TEX11: variants seen among roughly 807,000 people sequenced by gnomAD.
TEX11 encodes testis-expressed protein 11.
Under a neutral mutation model 84.4 loss-of-function variants are expected in TEX11, and 7 were observed. The ratio of observed to expected loss-of-function variants is 0.08; its 90% confidence interval spans 0.05 to 0.16. The LOEUF (loss-of-function observed/expected upper bound fraction) is 0.16, where lower values mean the gene tolerates loss of function less well. TEX11 is among the 10% of genes least tolerant of loss of function. The pLI is 1.00. For missense variants in TEX11, 551 were observed against 660.5 expected (o/e 0.83, Z 1.82); for synonymous variants, 264 against 222.8 (o/e 1.18, Z -1.64).
At chrX:70,852,815 T>C (rs1465590711) in intron 7 of TEX11, among the ~76,000 whole-genome samples, 1 of 111,386 alleles carries the variant, frequency 9.0e-6, no homozygotes, top group East Asian at 2.8e-4. Flanking sequence ...GAAAATGATG[T>C]TTAGCTGTAT....
chrX:70,645,949 C>T (rs1280071699), intron 17 of TEX11, among the ~76,000 whole-genome samples: 1 of 110,852 alleles, frequency 9.0e-6, no homozygotes, highest in Non-Finnish European at 1.9e-5. Context: ...AGCAAAAAGA[C>T]CCTGACTAGC....
rs181296669 is a variant in TEX11 at position 70,589,576 on chromosome X, T to G, written c.2140+2175A>C. ...TCTTGCTGTGCTGCCCAGGCTGGAGTGCAGTGGACAATCTAGGCTTACTGC... is the reference window on the plus strand; with the variant it reads ...TCTTGCTGTGCTGCCCAGGCTGGAGGGCAGTGGACAATCTAGGCTTACTGC... On this transcript the variant is annotated intron_variant, in intron 25 of 29. Transcript: ENST00000374333. Among the ~76,000 whole-genome samples, 22 of 111,572 alleles carry G rather than the reference T, an allele frequency of 2.0e-4. No homozygotes were observed. The East Asian group carries it at 5.6e-3, about 28-fold the overall frequency.
intron 9 of TEX11, among the ~76,000 whole-genome samples, chrX:70,788,965 TATATATATAG>T (rs1376811561): frequency 6.0e-4 from 24 of 39,989 alleles, no homozygotes; most frequent in African/African-American, 1.4e-3. Flanking sequence ...TATATATATA[TATATATATAG>T]AGAGAGAGAG....
rs1404887373 is a variant in TEX11 at position 70,552,135 on chromosome X, A to T, written c.2511T>A (p.Ile837=). Residue 837 remains isoleucine (I), a synonymous_variant, in exon 28 of 30, where the codon ATT becomes ATA. Coordinates refer to ENST00000374333, the MANE Select transcript of TEX11 (RefSeq NM_031276.3). The part of the protein sequence containing the change: ...WGYFEDALSH[I]SRTKDYPEME... ...TCACTATTTGACTTACAGTGCGGCT[A>T]ATGTGGCTCAGAGCATCTTCAAAAT... 1 of 1,209,550 alleles carries T rather than the reference A, an allele frequency of 8.3e-7. No homozygotes were observed. Among genetic ancestry groups the T allele is most frequent in the Non-Finnish European group, 1.1e-6 (1 of 894,815 alleles).
chrX:70,806,961 T>C (rs1602143593), intron 8 of TEX11, among the ~76,000 whole-genome samples, 171 bp from the exon 9 acceptor site: 2 of 112,442 alleles, frequency 1.8e-5, no homozygotes, highest in East Asian at 5.6e-4. Flanking sequence ...ATGTGTCCTA[T>C]ACATCAAAAT....
intron 7 of TEX11, among the ~76,000 whole-genome samples, chrX:70,834,147 C>A (rs1479267829): frequency 4.6e-5 from 5 of 109,315 alleles, no homozygotes; most frequent in Non-Finnish European, 9.5e-5. Context: ...TAAGAAGATA[C>A]CTCTCTACTC....
chrX:70,729,635 G>C (rs1408262759), intron 11 of TEX11, among the ~76,000 whole-genome samples: 1 of 111,697 alleles, frequency 9.0e-6, no homozygotes, highest in African/African-American at 3.3e-5. Flanking sequence ...AATGAAAAAA[G>C]CCTCCAAGAA....
intron 8 of TEX11, among the ~76,000 whole-genome samples, chrX:70,832,442 T>C (rs771374758): frequency 1.1e-4 from 12 of 112,364 alleles, no homozygotes; most frequent in African/African-American, 3.9e-4. Flanking sequence ...TTTCTATAAA[T>C]ATGAAATTGT....
At chrX:70,599,052 A>C (rs901497338) in intron 24 of TEX11, among the ~76,000 whole-genome samples, 3 of 112,007 alleles carry the variant, frequency 2.7e-5, no homozygotes, top group African/African-American at 9.7e-5. Context: ...AAGGTATGTG[A>C]ATTATGCCTC....
chrX:70,694,423 C>T (rs2090263141), intron 13 of TEX11, among the ~76,000 whole-genome samples: 1 of 111,425 alleles, frequency 9.0e-6, no homozygotes, highest in Admixed American at 9.6e-5. Context: ...TTTTAACAGG[C>T]ATTTCACAAA....
intron 5 of TEX11, among the ~76,000 whole-genome samples, chrX:70,859,524 G>A (rs747760882): frequency 3.0e-4 from 29 of 97,920 alleles, no homozygotes; most frequent in African/African-American, 1.1e-3. Flanking sequence ...GGAGGCTGCA[G>A]TGAGCCGAGA....
intron 9 of TEX11, among the ~76,000 whole-genome samples, chrX:70,753,211 G>A (rs1468041771): frequency 1.0e-5 from 1 of 96,465 alleles, no homozygotes; most frequent in African/African-American, 3.8e-5. Flanking sequence ...GGGGGTGGGC[G>A]GCGAGGGGGG....
At chrX:70,833,283 AG>A (rs1423474087) in intron 8 of TEX11, among the ~76,000 whole-genome samples, 1 of 66,977 alleles carries the variant, frequency 1.5e-5, no homozygotes, top group African/African-American at 6.2e-5. Context: ...AAAAAAAAAA[AG>A]AAAAGAAAAG....
chrX:70,873,430 T>G, intron 3 of TEX11, 123 bp from the exon 4 acceptor site: 2 of 489,014 alleles, frequency 4.1e-6, no homozygotes, highest in Non-Finnish European at 7.0e-6. Flanking sequence ...CTCCATAATC[T>G]AGTCGCATTC....
At chrX:70,748,128 G>A (rs975468039) in intron 9 of TEX11, among the ~76,000 whole-genome samples, 1 of 110,887 alleles carries the variant, frequency 9.0e-6, no homozygotes, top group African/African-American at 3.3e-5. Context: ...TACATAATGG[G>A]AGTACCAGAA....
intron 11 of TEX11, among the ~76,000 whole-genome samples, chrX:70,731,338 G>C (rs1363722737): frequency 5.4e-5 from 6 of 110,157 alleles, no homozygotes; most frequent in African/African-American, 1.6e-4. Flanking sequence ...ACACAAAAAA[G>C]CCTTCAAAAA....
chrX:70,615,925 T>C (rs12115928), intron 20 of TEX11, among the ~76,000 whole-genome samples: 5,567 of 111,758 alleles, frequency 0.05, 287 homozygotes, highest in African/African-American at 0.15. Flanking sequence ...TAGTATTATC[T>C]GGCAAAAATA....
intron 24 of TEX11, among the ~76,000 whole-genome samples, chrX:70,598,577 C>T (rs148058690): frequency 1.3e-3 from 147 of 112,002 alleles, no homozygotes; most frequent in Middle Eastern, 4.6e-3. Flanking sequence ...TTGTTCATCA[C>T]GGCATTATTC....
intron 13 of TEX11, among the ~76,000 whole-genome samples, chrX:70,706,559 CT>C (rs1290070433): frequency 3.6e-5 from 4 of 111,043 alleles, no homozygotes; most frequent in African/African-American, 6.5e-5. Flanking sequence ...ATAGTTTTGT[CT>C]TCATAAATTA....
Sources: gnomAD v4.1 joint callset for allele counts (sites outside exome capture counted in the v4.1 genomes callset) on GRCh38, gnomAD v4.1.1 for gene constraint, MANE v1.5 for transcripts, NCBI Gene and HGNC (gene_info 2026-07-23, HGNC 2026-07-21) for gene names.